OTUD4: variants seen among roughly 807,000 people sequenced by gnomAD.
OTUD4 encodes OTU domain-containing protein 4.
OTUD4 carries 24 observed loss-of-function variants against 130.4 expected under a neutral mutation model. The ratio of observed to expected loss-of-function variants is 0.18; its 90% confidence interval spans 0.13 to 0.26. OTUD4 has a LOEUF of 0.26. OTUD4 is among the 10% of genes least tolerant of loss of function. The pLI, the probability that OTUD4 is intolerant of heterozygous loss-of-function variation, is 1.00. For synonymous variants in OTUD4, 420 were observed against 472.5 expected (o/e 0.89, Z 1.44); for missense variants, 1,031 against 1,329.4 (o/e 0.78, Z 3.49).
At position 145,159,558 on chromosome 4, in the gene OTUD4, C is replaced by G; in HGVS notation, c.574G>C (p.Glu192Gln). 6.2e-7 allele frequency: 1 copy of G among 1,613,396 alleles called. No homozygotes were observed. The highest frequency in any genetic ancestry group is 1.7e-4 in the Middle Eastern group (1 of 6,050). Residue 192 changes from glutamate to glutamine, a missense_variant, in exon 7 of 21, where the codon GAA (glutamate) becomes CAA (glutamine). By Grantham distance (29) the Glu-to-Gln change is conservative. This residue lies in a region of OTUD4 where 900 missense variants were observed against 1,095.9 expected (regional missense o/e 0.82). Coordinates refer to ENST00000447906, the MANE Select transcript of OTUD4 (RefSeq NM_001366057.1). ...SKIVMELDTLEVADEDNSEIS... is the reference protein window; with the variant it reads ...SKIVMELDTLQVADEDNSEIS... The stretch of plus-strand genomic sequence containing the variant: ...TCACTGTTATCTTCATCAGCTACTT[C>G]CAACGTGTCTAGTTCCATCACAATT...
chr4:145,179,753 ACCCAGACCCGCCGGGCCGTCCCCG>A (rs1752602009), intron 1 of OTUD4, 38 bp downstream of exon 1: 1 of 945,956 alleles, frequency 1.1e-6, no homozygotes, highest in African/African-American at 2.1e-5. Context: ...CTGCCTCCCC[ACCCAGACCCGCCGGGCCGTCCCCG>A]CCTCCCCTCG....
At position 145,162,151 on chromosome 4, in the gene OTUD4, C is replaced by T. The variant is rs36225144; in HGVS notation, c.496+489G>A. On this transcript the variant is annotated intron_variant, in intron 6 of 20. Coordinates refer to ENST00000447906, the MANE Select transcript of OTUD4 (RefSeq NM_001366057.1). ...CCATGCCCAGCTACCTTTCCTCCTA[C>T]TGCAACAAGTTTTTATTATAATATT... 4.5e-3 allele frequency among the ~76,000 whole-genome samples: 679 copies of T among 152,188 alleles called. 4 individuals are homozygous for T. The highest frequency in any genetic ancestry group is 0.015 in the African/African-American group (622 of 41,548).
At chr4:145,158,502 CA>C (rs536679652) in intron 7 of OTUD4, among the ~76,000 whole-genome samples, 3 of 135,810 alleles carry the variant, frequency 2.2e-5, no homozygotes, top group Non-Finnish European at 3.2e-5. Flanking sequence ...CAAAACAAAA[CA>C]AAAAAAAACA....
rs1300934244 is a variant in OTUD4 at position 145,133,893 on chromosome 4, C to A, written c.*3537G>T. On this transcript the variant is annotated 3_prime_UTR_variant, in exon 21 of 21. Coordinates refer to ENST00000447906, the MANE Select transcript of OTUD4 (RefSeq NM_001366057.1). ...AGATATGTATATATACTTTTTTTTA[C>A]AAGTAACATCACAAATGATCACATC... The A allele has an allele frequency of 6.6e-6, 1 of 152,410 alleles. No individual in the cohort carries two copies. The highest frequency in any genetic ancestry group is 2.4e-5 in the African/African-American group (1 of 41,382). 9.4% of individuals were successfully genotyped at this position (152,410 alleles called of 1,614,324 possible). A position where few individuals can be genotyped will look rare whatever the true frequency, so the allele number is the denominator to read the frequency against.
chr4:145,159,568 T>C lies in OTUD4; in HGVS notation c.564A>G (p.Leu188=), dbSNP rs751473546. The change falls in exon 7 of 21, where the codon CTA becomes CTG. Residue 188 remains leucine (L), a synonymous_variant. Transcript: ENST00000447906. ...CTTCATCAGCTACTTCCAACGTGTC[T>C]AGTTCCATCACAATTTTACTAACAT... The part of the protein sequence containing the change: ...KTDVSKIVME[L]DTLEVADEDN... The C allele has an allele frequency of 1.3e-5, 21 of 1,612,954 alleles. No individual in the cohort carries two copies. In the Admixed American group the frequency reaches 3.5e-4, roughly 27 times the overall value.
At chr4:145,179,762 C>CGCCCG in intron 1 of OTUD4, 53 bp downstream of exon 1, 1 of 1,440,326 alleles carries the variant, frequency 6.9e-7, no homozygotes. Context: ...CACCCAGACC[C>CGCCCG]GCCGGGCCGT....
chr4:145,151,169 T>C (rs1448835670), intron 11 of OTUD4, among the ~76,000 whole-genome samples: 2 of 152,198 alleles, frequency 1.3e-5, no homozygotes, highest in East Asian at 3.8e-4. Context: ...AAATACAGAA[T>C]GACTTATTCT....
chr4:145,175,822 AG>A (rs772120969), intron 1 of OTUD4, among the ~76,000 whole-genome samples: 9 of 151,612 alleles, frequency 5.9e-5, no homozygotes, highest in Non-Finnish European at 1.2e-4. Flanking sequence ...GGATTACAAC[AG>A]GCATGAGCCA....
intron 7 of OTUD4, among the ~76,000 whole-genome samples, chr4:145,158,766 T>C (rs1307930863): frequency 6.6e-6 from 1 of 152,184 alleles, no homozygotes; most frequent in Non-Finnish European, 1.5e-5. Context: ...GGATACCGTA[T>C]CTAGGACCTA....
rs1560978449 is a variant in OTUD4 at position 145,142,296 on chromosome 4, G to C, written c.1722C>G (p.Pro574=). Residue 574 remains proline (P), a synonymous_variant, in exon 18 of 21, where the codon CCC becomes CCG. Transcript: ENST00000447906. ...AEHVSLSNPA[P]LLVSPEVHLT... ...GATGTACCTCTGGAGAAACTAGAAG[G>C]GGAGCTGGATTTGACAAAGACACAT... 1 of 1,613,942 alleles carries C rather than the reference G, an allele frequency of 6.2e-7. No individual in the cohort carries two copies. Among genetic ancestry groups the C allele is most frequent in the Non-Finnish European group, 8.5e-7 (1 of 1,179,844 alleles).
chr4:145,142,134 A>C, intron 18 of OTUD4, 62 bp downstream of exon 18: 2 of 1,468,396 alleles, frequency 1.4e-6, no homozygotes, highest in Non-Finnish European at 9.4e-7. Context: ...CCACTCAAGA[A>C]TTTGAAGTCT....
chr4:145,142,413 A>G lies in OTUD4; in HGVS notation c.1684-79T>C, dbSNP rs36226677. 1,328 of 1,265,468 alleles carry G rather than the reference A, an allele frequency of 1.0e-3. 5 individuals are homozygous for G. In the African/African-American group the frequency reaches 0.015, roughly 14 times the overall value. 78.4% of individuals were successfully genotyped at this position (1,265,468 alleles called of 1,614,324 possible). On this transcript the variant is annotated intron_variant, in intron 17 of 20. Coordinates refer to ENST00000447906, the MANE Select transcript of OTUD4 (RefSeq NM_001366057.1). Reference sequence around the variant, plus strand: ...CTTTAACACTATTTCTAACCACCAGATACATATTGAGTTGCCTGCCTTTTA... The same window carrying G: ...CTTTAACACTATTTCTAACCACCAGGTACATATTGAGTTGCCTGCCTTTTA...
At position 145,180,456 on chromosome 4, in the gene OTUD4, A is replaced by G. The variant is rs1752642593; in HGVS notation, c.-483T>C. Reference sequence around the variant, plus strand: ...GGAGCCGAGGAAACCAAAAAGAAAGACGCGGCCTTTCGTTTCCCCACCTCG... The same window carrying G: ...GGAGCCGAGGAAACCAAAAAGAAAGGCGCGGCCTTTCGTTTCCCCACCTCG... On this transcript the variant is annotated 5_prime_UTR_variant, in exon 1 of 21. Coordinates refer to ENST00000447906, the MANE Select transcript of OTUD4 (RefSeq NM_001366057.1). Among the ~76,000 whole-genome samples, 1 of 152,062 alleles carries G rather than the reference A, an allele frequency of 6.6e-6. No homozygotes were observed. The highest frequency in any genetic ancestry group is 6.5e-5 in the Admixed American group (1 of 15,278).
At chr4:145,164,898 G>A (rs937046895) in intron 4 of OTUD4, among the ~76,000 whole-genome samples, 12 of 152,068 alleles carry the variant, frequency 7.9e-5, no homozygotes, top group Non-Finnish European at 1.5e-4. Context: ...CTACAAAGTT[G>A]ATAAGTGATA....
At chr4:145,140,538 T>C (rs750830855) in intron 19 of OTUD4, among the ~76,000 whole-genome samples, 102 of 152,188 alleles carry the variant, frequency 6.7e-4, no homozygotes, top group Non-Finnish European at 1.2e-3. Context: ...TTTACAGATA[T>C]AAAATTTTGG....
chr4:145,151,819 C>G (rs563905773), intron 11 of OTUD4, among the ~76,000 whole-genome samples: 1 of 152,114 alleles, frequency 6.6e-6, no homozygotes, highest in Admixed American at 6.6e-5. Context: ...TAAAGCCCAG[C>G]GGCAACTGAA....
At position 145,158,072 on chromosome 4, in the gene OTUD4, G is replaced by A. The variant is rs754729970; in HGVS notation, c.629+1431C>T. Reference sequence around the variant, plus strand: ...CAAAATTTCTACCTAGGCAAAGTCAGTCTATTCTAGAATTAAATTTACAAT... The same window carrying A: ...CAAAATTTCTACCTAGGCAAAGTCAATCTATTCTAGAATTAAATTTACAAT... On this transcript the variant is annotated intron_variant, in intron 7 of 20. Coordinates refer to ENST00000447906, the MANE Select transcript of OTUD4 (RefSeq NM_001366057.1). Among the ~76,000 whole-genome samples the A allele has an allele frequency of 3.5e-4, 54 of 152,208 alleles. 1 individual carries two copies. The highest frequency in any genetic ancestry group is 4.8e-5 in the African/African-American group (2 of 41,458).
chr4:145,146,544 A>C, intron 13 of OTUD4, 115 bp from the exon 14 acceptor site: 9 of 604,544 alleles, frequency 1.5e-5, no homozygotes, highest in African/African-American at 2.0e-5. Flanking sequence ...CTAAAATAAA[A>C]TGATCTATTT....
chr4:145,179,730 G>A (rs1442950115), intron 1 of OTUD4, 85 bp downstream of exon 1: 5 of 1,419,630 alleles, frequency 3.5e-6, no homozygotes, highest in East Asian at 3.1e-5. Flanking sequence ...TGGGCGGCCC[G>A]GACAGCCCGC....
Sources: gnomAD v4.1 joint callset for allele counts (sites outside exome capture counted in the v4.1 genomes callset) on GRCh38, gnomAD v4.1.1 for gene constraint, gnomAD v4.1.1 regional missense constraint, MANE v1.5 for transcripts, NCBI Gene and HGNC (gene_info 2026-07-23, HGNC 2026-07-21) for gene names.